Variants in PKD1L1 observed in about 807,000 individuals in gnomAD.
PKD1L1 encodes polycystin 1 like 1, transient receptor potential channel interacting, also known as polycystin-1-like protein 1.
A neutral mutation model predicts 323.4 loss-of-function variants in PKD1L1; 236 were observed. That is an observed-to-expected ratio of 0.73 (90% confidence interval 0.66 to 0.81). The LOEUF (loss-of-function observed/expected upper bound fraction) is 0.81, where lower values mean the gene tolerates loss of function less well. PKD1L1 is among the 40% of genes least tolerant of loss of function. PKD1L1 has a pLI of 0.00. For synonymous variants in PKD1L1, 1,344 were observed against 1,335.0 expected, an observed-to-expected ratio of 1.01 and a Z score of -0.15; for missense variants, 3,320 against 3,508.0, an observed-to-expected ratio of 0.95 and a Z score of 1.35.
At chr7:47,927,558 C>A (rs1787679350) in intron 7 of PKD1L1, among the ~76,000 whole-genome samples, 1 of 152,174 alleles carries the variant, frequency 6.6e-6, no homozygotes, top group South Asian at 2.1e-4. Flanking sequence ...GCCACCACAT[C>A]CAGCCGACAA....
At position 47,839,947 on chromosome 7, in the gene PKD1L1, G is replaced by C. The variant is rs1785534568; in HGVS notation, c.5553-285C>G. ...CGTTCATGTATTTGTCTCTGGTGTG[G>C]ATTAGTCTAAAGTTAACCTTTTCTC... On this transcript the variant is annotated intron_variant, in intron 35 of 56. Transcript: ENST00000289672. The surrounding 1 kb of genome is among the most constrained non-coding windows in gnomAD (Gnocchi z 4.3). 6.6e-6 allele frequency among the ~76,000 whole-genome samples: 1 copy of C among 152,284 alleles called. No homozygotes were observed. The highest frequency in any genetic ancestry group is 1.9e-4 in the East Asian group (1 of 5,188).
At chr7:47,901,844 T>C (rs1787096122) in intron 13 of PKD1L1, among the ~76,000 whole-genome samples, 1 of 152,214 alleles carries the variant, frequency 6.6e-6, no homozygotes, top group Non-Finnish European at 1.5e-5. Context: ...AAGGAAAATT[T>C]GCTCTGAATC....
At chr7:47,866,252 T>C (rs904732926) in intron 25 of PKD1L1, among the ~76,000 whole-genome samples, 167 bp downstream of exon 25, 1 of 152,218 alleles carries the variant, frequency 6.6e-6, no homozygotes, top group Non-Finnish European at 1.5e-5. Flanking sequence ...ATGAGCTGAA[T>C]AGAGAGACCA....
At chr7:47,875,437 A>T (rs912639704) in intron 23 of PKD1L1, among the ~76,000 whole-genome samples, 22 of 152,256 alleles carry the variant, frequency 1.4e-4, no homozygotes, top group African/African-American at 5.3e-4. Flanking sequence ...TTCCCTGCAC[A>T]TCAGAATCTT....
chr7:47,775,229 A>C, intron 56 of PKD1L1, 63 bp from the exon 57 acceptor site: 1 of 1,601,158 alleles, frequency 6.2e-7, no homozygotes, highest in Non-Finnish European at 8.5e-7. Context: ...TGACAGAACA[A>C]ATAGGCAGAA....
intron 25 of PKD1L1, 74 bp downstream of exon 25, chr7:47,866,345 G>A: frequency 2.0e-6 from 3 of 1,484,752 alleles, no homozygotes; most frequent in Non-Finnish European, 2.7e-6. Flanking sequence ...ACTTGCTAGT[G>A]AGCCAGCCAG....
At chr7:47,780,240 T>A (rs796331052) in intron 56 of PKD1L1, among the ~76,000 whole-genome samples, 12 of 152,312 alleles carry the variant, frequency 7.9e-5, no homozygotes, top group African/African-American at 2.6e-4. Flanking sequence ...CTTTTATAGA[T>A]GCACCTAAGC....
chr7:47,917,359 T>C (rs1438420030), intron 7 of PKD1L1, among the ~76,000 whole-genome samples: 1 of 152,036 alleles, frequency 6.6e-6, no homozygotes, highest in Non-Finnish European at 1.5e-5. Flanking sequence ...GAATAATCAG[T>C]GTTCCTGAGG....
chr7:47,880,204 T>C (rs930454743), intron 21 of PKD1L1, among the ~76,000 whole-genome samples: 7 of 143,704 alleles, frequency 4.9e-5, no homozygotes, highest in Non-Finnish European at 9.0e-5. Context: ...CGGACAGATT[T>C]GCAGGAAAGG....
intron 46 of PKD1L1, among the ~76,000 whole-genome samples, chr7:47,817,103 G>A (rs952441537): frequency 2.0e-5 from 3 of 152,144 alleles, no homozygotes; most frequent in African/African-American, 7.2e-5. Context: ...TGGGCGTGAT[G>A]GTACGCGCCT....
chr7:47,790,881 T>A (rs1786929521), intron 56 of PKD1L1, among the ~76,000 whole-genome samples: 1 of 151,978 alleles, frequency 6.6e-6, no homozygotes, highest in Admixed American at 6.6e-5. Flanking sequence ...CTCAGCCTCC[T>A]GAGTAACTGG....
chr7:47,812,474 A>C (rs1784921923), intron 49 of PKD1L1, among the ~76,000 whole-genome samples: 1 of 152,236 alleles, frequency 6.6e-6, no homozygotes, highest in Admixed American at 6.5e-5. Context: ...ACTCGTATTT[A>C]GTAACAATTA....
chr7:47,838,749 G>A (rs1021141371), intron 36 of PKD1L1, among the ~76,000 whole-genome samples: 3 of 151,862 alleles, frequency 2.0e-5, no homozygotes, highest in Non-Finnish European at 2.9e-5. Context: ...ATGGTGGCGT[G>A]TGCCTGTAGT....
At chr7:47,890,383 G>A (rs894595373) in intron 16 of PKD1L1, among the ~76,000 whole-genome samples, 159 bp downstream of exon 16, 4 of 152,196 alleles carry the variant, frequency 2.6e-5, no homozygotes, top group South Asian at 2.1e-4. Flanking sequence ...TTCCCCAGCC[G>A]CTTTCTGAAC....
chr7:47,947,517 G>T (rs1788121227), intron 1 of PKD1L1, among the ~76,000 whole-genome samples: 1 of 152,234 alleles, frequency 6.6e-6, no homozygotes. Context: ...CCACAGGCAG[G>T]TCACCTTGCT....
intron 2 of PKD1L1, among the ~76,000 whole-genome samples, chr7:47,941,263 C>A (rs913354160): frequency 5.3e-5 from 8 of 152,192 alleles, no homozygotes; most frequent in Non-Finnish European, 1.0e-4. Context: ...TCTCTTAACC[C>A]CAGTCTGTTA....
chr7:47,778,498 A>G (rs1786619510), intron 56 of PKD1L1, among the ~76,000 whole-genome samples: 1 of 152,216 alleles, frequency 6.6e-6, no homozygotes, highest in South Asian at 2.1e-4. Context: ...TGGCTCATCA[A>G]GGAGGTATTA....
intron 50 of PKD1L1, 118 bp from the exon 51 acceptor site, chr7:47,809,695 C>T (rs1784854172): frequency 1.5e-6 from 1 of 688,766 alleles, no homozygotes; most frequent in Non-Finnish European, 2.3e-6. Context: ...AGGATGCAAG[C>T]CCATTTCCTG....
chr7:47,885,414 A>C (rs1196946234), intron 18 of PKD1L1, among the ~76,000 whole-genome samples: 1 of 152,148 alleles, frequency 6.6e-6, no homozygotes, highest in Non-Finnish European at 1.5e-5. Context: ...GTGTGGAGTA[A>C]ACAACTACTG....
Sources: gnomAD v4.1 joint callset for allele counts (sites outside exome capture counted in the v4.1 genomes callset) on GRCh38, gnomAD v4.1.1 for gene constraint, Gnocchi (gnomAD v3.1) non-coding constraint, MANE v1.5 for transcripts, NCBI Gene and HGNC (gene_info 2026-07-23, HGNC 2026-07-21) for gene names.